Variants in TP63 observed in about 807,000 individuals in gnomAD.
The protein encoded by TP63 is tumor protein p63, also known as tumor protein 63.
In TP63, 17 loss-of-function variants were observed where a neutral mutation model predicts 82.8. The ratio of observed to expected loss-of-function variants is 0.21; its 90% confidence interval spans 0.14 to 0.31. TP63 has a LOEUF of 0.31. TP63 is among the 10% of genes least tolerant of loss of function. The pLI is 1.00. For missense variants in TP63, 648 were observed against 895.3 expected, an observed-to-expected ratio of 0.72 and a Z score of 3.52; for synonymous variants, 330 against 321.7, an observed-to-expected ratio of 1.03 and a Z score of -0.28.
At chr3:189,683,606 A>C (rs976848416) in intron 1 of TP63, among the ~76,000 whole-genome samples, 5 of 152,214 alleles carry the variant, frequency 3.3e-5, no homozygotes, top group African/African-American at 1.2e-4. Flanking sequence ...CAGCCAGTGA[A>C]TCAGTTCCAT....
At chr3:189,617,537 C>T in the TP63 span, among the ~76,000 whole-genome samples, 3 of 152,176 alleles carry the variant, frequency 2.0e-5, no homozygotes, top group Non-Finnish European at 4.4e-5. Flanking sequence ...CAAAAGTCTA[C>T]ACTCCAGGAT....
chr3:189,818,800 A>C (rs1162034179), intron 4 of TP63, among the ~76,000 whole-genome samples: 1 of 152,202 alleles, frequency 6.6e-6, no homozygotes, highest in African/African-American at 2.4e-5. Context: ...CCCACTCCCC[A>C]AAACAGAGTA....
the TP63 span, among the ~76,000 whole-genome samples, chr3:189,615,777 C>G: frequency 5.9e-5 from 9 of 152,204 alleles, no homozygotes; most frequent in Non-Finnish European, 1.3e-4. Context: ...GATGCCCACG[C>G]TCCTAAGTCA....
intron 10 of TP63, chr3:189,873,262 T>G (rs1455274585): frequency 3.7e-6 from 2 of 544,838 alleles, no homozygotes; most frequent in Admixed American, 5.8e-5. Context: ...CTAACAGTTC[T>G]CGTCTCTATA....
chr3:189,615,298 A>G, the TP63 span, among the ~76,000 whole-genome samples: 20 of 152,104 alleles, frequency 1.3e-4, no homozygotes, highest in Non-Finnish European at 2.5e-4. Context: ...GTGCTGCTCC[A>G]TCCACCTGGC....
intron 3 of TP63, among the ~76,000 whole-genome samples, chr3:189,766,352 A>G (rs914556689): frequency 6.6e-6 from 1 of 152,166 alleles, no homozygotes; most frequent in African/African-American, 2.4e-5. Flanking sequence ...GGGGGTGAGC[A>G]TTGCAAAAAC....
intron 3 of TP63, among the ~76,000 whole-genome samples, chr3:189,770,519 C>A (rs1314879757): frequency 6.6e-6 from 1 of 151,282 alleles, no homozygotes; most frequent in African/African-American, 2.4e-5. Flanking sequence ...GAGCCGAGAT[C>A]GTTCCACTGC....
intron 3 of TP63, among the ~76,000 whole-genome samples, chr3:189,775,470 T>C (rs561179727): frequency 8.5e-4 from 129 of 152,302 alleles, no homozygotes; most frequent in African/African-American, 3.0e-3. Context: ...GCTACCTAGA[T>C]CGTAATATGC....
intron 4 of TP63, among the ~76,000 whole-genome samples, chr3:189,826,486 T>C (rs533336039): frequency 2.0e-5 from 3 of 152,308 alleles, no homozygotes; most frequent in East Asian, 1.9e-4. Context: ...AGTTTTTATT[T>C]GAGGGAAATA....
At chr3:189,684,934 G>C (rs1227831824) in intron 1 of TP63, among the ~76,000 whole-genome samples, 1 of 151,840 alleles carries the variant, frequency 6.6e-6, no homozygotes. Flanking sequence ...GCCTGGCCAA[G>C]GATATACTTA....
chr3:189,691,859 G>T (rs1258180010), intron 1 of TP63, among the ~76,000 whole-genome samples: 3 of 152,102 alleles, frequency 2.0e-5, no homozygotes, highest in Non-Finnish European at 4.4e-5. Context: ...GTGACTAATA[G>T]AAACATAGAA....
At chr3:189,663,521 CTTTT>C (rs397991949) in intron 1 of TP63, among the ~76,000 whole-genome samples, 6 of 84,548 alleles carry the variant, frequency 7.1e-5, no homozygotes, top group South Asian at 1.0e-3. Context: ...TTCATTCATT[CTTTT>C]TTTTTTTTTT....
chr3:189,658,922 T>C (rs1052979371), intron 1 of TP63, among the ~76,000 whole-genome samples: 4 of 152,028 alleles, frequency 2.6e-5, no homozygotes, highest in Non-Finnish European at 5.9e-5. Context: ...TCATTAATTG[T>C]GACAAACGTA....
chr3:189,830,516 G>A (rs187592279), intron 4 of TP63, among the ~76,000 whole-genome samples: 1 of 152,266 alleles, frequency 6.6e-6, no homozygotes, highest in Non-Finnish European at 1.5e-5. Context: ...TTTCATCATA[G>A]TGAGTTTTCA....
intron 3 of TP63, among the ~76,000 whole-genome samples, chr3:189,776,164 C>A (rs1723778102): frequency 6.6e-6 from 1 of 152,152 alleles, no homozygotes; most frequent in Non-Finnish European, 1.5e-5. Flanking sequence ...TTCATATTGT[C>A]TTTCTCTAAA....
Position 189,650,379 on chromosome 3 carries a change from G to C in TP63, c.62+18802G>C, listed in dbSNP as rs1426425049. ...GCTTCTGTTGATTGATGAGTGATAT[G>C]GTTTGGCTGTGTCCCCCGCCCCAAA... On this transcript the variant is annotated intron_variant, in intron 1 of 13. Coordinates refer to ENST00000264731, the MANE Select transcript of TP63 (RefSeq NM_003722.5). 2.0e-5 allele frequency among the ~76,000 whole-genome samples: 3 copies of C among 147,002 alleles called. 1 individual carries two copies. Among genetic ancestry groups the C allele is most frequent in the Non-Finnish European group, 4.5e-5 (3 of 67,310 alleles).
chr3:189,813,498 T>C (rs1031168139), intron 4 of TP63, among the ~76,000 whole-genome samples: 1 of 152,170 alleles, frequency 6.6e-6, no homozygotes, highest in African/African-American at 2.4e-5. Context: ...GTCTTGATTA[T>C]TGGCCTCACA....
the TP63 span, among the ~76,000 whole-genome samples, chr3:189,611,709 G>T: frequency 1.3e-5 from 2 of 152,118 alleles, no homozygotes; most frequent in Non-Finnish European, 2.9e-5. Flanking sequence ...TCTTTAAGTT[G>T]CTTTAGGCAG....
intron 4 of TP63, among the ~76,000 whole-genome samples, chr3:189,813,154 C>A (rs1727760941): frequency 6.6e-6 from 1 of 152,122 alleles, no homozygotes; most frequent in South Asian, 2.1e-4. Context: ...GATGGGAATG[C>A]CTTTTTGTAT....
Sources: allele counts gnomAD v4.1 joint callset (sites outside exome capture counted in the v4.1 genomes callset), GRCh38; gene constraint gnomAD v4.1.1; transcripts MANE v1.5; gene names NCBI Gene and HGNC (gene_info 2026-07-23, HGNC 2026-07-21).